Variants in FOXP2 observed in about 807,000 individuals in gnomAD.
The protein encoded by FOXP2 is forkhead box P2.
A neutral mutation model predicts 115.8 loss-of-function variants in FOXP2; 12 were observed. That is an observed-to-expected ratio of 0.10 (90% CI 0.07 to 0.17). The LOEUF is 0.17. Among genes scored for constraint, FOXP2 ranks in the 10% least tolerant of loss-of-function variants. The pLI, the probability that FOXP2 is intolerant of heterozygous loss-of-function variation, is 1.00. For missense variants in FOXP2, 629 were observed against 843.5 expected, an observed-to-expected ratio of 0.75 and a Z score of 3.15; for synonymous variants, 328 against 297.7, an observed-to-expected ratio of 1.10 and a Z score of -1.05.
intron 2 of FOXP2, among the ~76,000 whole-genome samples, chr7:114,379,680 C>A (rs1248625984): frequency 1.3e-5 from 2 of 152,130 alleles, no homozygotes; most frequent in African/African-American, 4.8e-5. Flanking sequence ...AAGAGACAAA[C>A]TTAACAAGGA....
At chr7:114,171,822 C>T (rs1793149688) in intron 1 of FOXP2, among the ~76,000 whole-genome samples, 1 of 152,188 alleles carries the variant, frequency 6.6e-6, no homozygotes, top group South Asian at 2.1e-4. Context: ...ATTCAGATTT[C>T]TGATGGCATT....
At chr7:114,115,957 A>C (rs1584487434) in intron 1 of FOXP2, among the ~76,000 whole-genome samples, 2 of 152,150 alleles carry the variant, frequency 1.3e-5, no homozygotes, top group Admixed American at 1.3e-4. Flanking sequence ...AATGAATTTA[A>C]AGTGCCTTCC....
chr7:114,325,331 T>C (rs1301288689), intron 2 of FOXP2, among the ~76,000 whole-genome samples: 1 of 151,882 alleles, frequency 6.6e-6, no homozygotes, highest in Non-Finnish European at 1.5e-5. Flanking sequence ...TTCCATTTTT[T>C]CCCCATGTTA....
intron 1 of FOXP2, among the ~76,000 whole-genome samples, chr7:114,163,964 C>T (rs1478281105): frequency 6.6e-6 from 1 of 152,162 alleles, no homozygotes; most frequent in Non-Finnish European, 1.5e-5. Flanking sequence ...TCAAATTCTA[C>T]AGTAGAAAAT....
At chr7:114,098,077 G>T (rs1013563991) in intron 1 of FOXP2, among the ~76,000 whole-genome samples, 1 of 152,188 alleles carries the variant, frequency 6.6e-6, no homozygotes, top group Non-Finnish European at 1.5e-5. Flanking sequence ...GGGATAACAA[G>T]AGAGGTAAAT....
At chr7:114,391,337 A>G (rs1465133561) in intron 2 of FOXP2, among the ~76,000 whole-genome samples, 2 of 152,190 alleles carry the variant, frequency 1.3e-5, no homozygotes, top group East Asian at 3.8e-4. Context: ...ACTGGGTTAA[A>G]CATCTGCTTA....
chr7:114,448,805 A>C (rs923083598), intron 2 of FOXP2, among the ~76,000 whole-genome samples: 2 of 152,226 alleles, frequency 1.3e-5, no homozygotes, highest in Non-Finnish European at 2.9e-5. Flanking sequence ...TGAATTTAGA[A>C]AGTTAAAAGT....
At chr7:114,381,757 CT>C (rs1792308536) in intron 2 of FOXP2, among the ~76,000 whole-genome samples, 1 of 152,118 alleles carries the variant, frequency 6.6e-6, no homozygotes, top group South Asian at 2.1e-4. Flanking sequence ...AAATTGGAGT[CT>C]TGCAAGGGCT....
chr7:114,315,636 A>AC, intron 2 of FOXP2, among the ~76,000 whole-genome samples: 1 of 151,704 alleles, frequency 6.6e-6, no homozygotes, highest in Non-Finnish European at 1.5e-5. Flanking sequence ...ACACACACAC[A>AC]AACAAACATA....
chr7:114,661,044 T>A (rs1806832662), intron 13 of FOXP2, among the ~76,000 whole-genome samples: 1 of 135,224 alleles, frequency 7.4e-6, no homozygotes, highest in Non-Finnish European at 1.6e-5. Context: ...ATGCTAGATC[T>A]GCTTATGCTT....
intron 1 of FOXP2, among the ~76,000 whole-genome samples, chr7:114,153,735 T>C (rs1318734570): frequency 6.6e-6 from 1 of 152,108 alleles, no homozygotes; most frequent in Non-Finnish European, 1.5e-5. Flanking sequence ...TTTTCTTTCA[T>C]AGGCCATTCT....
In FOXP2 at chr7:114,404,405, C is replaced by T. The variant is rs1002281940; in HGVS notation, c.-10-22097C>T. Among the ~76,000 whole-genome samples, 6 of 152,176 alleles carry T rather than the reference C, an allele frequency of 3.9e-5. No homozygotes were observed. In the South Asian group the frequency reaches 6.2e-4, roughly 16 times the overall value. On this transcript the variant is annotated intron_variant, in intron 2 of 17. Transcript: ENST00000634411. ...TTATGTAATAAGTTCTAATTGGTTA[C>T]ATAACACTTTATTGAGCATGATCAG... is the stretch of plus-strand genomic sequence containing the variant.
At position 114,631,717 on chromosome 7, in the gene FOXP2, A is replaced by T. The variant is rs768479487; in HGVS notation, c.775+12A>T. The T allele has an allele frequency of 6.2e-7, 1 of 1,613,186 alleles. No homozygotes were observed. The highest frequency in any genetic ancestry group is 8.5e-7 in the Non-Finnish European group (1 of 1,179,370). On this transcript the variant is annotated intron_variant, in intron 6 of 16. Coordinates refer to ENST00000350908, the MANE Select transcript of FOXP2 (RefSeq NM_014491.4). ...ATCGCTGCCTCAAGGTACATACAAA[A>T]TGTTGTGCACTCTTCATTTCAAATC...
At chr7:114,171,084 GCTCATTT>G (rs1489885725) in intron 1 of FOXP2, among the ~76,000 whole-genome samples, 2 of 152,166 alleles carry the variant, frequency 1.3e-5, no homozygotes, top group Non-Finnish European at 2.9e-5. Context: ...TGAAGCCAGT[GCTCATTT>G]ACCATTTTGA....
chr7:114,539,603 T>C (rs1405165392), intron 3 of FOXP2, among the ~76,000 whole-genome samples: 1 of 152,044 alleles, frequency 6.6e-6, no homozygotes, highest in Non-Finnish European at 1.5e-5. Flanking sequence ...AAGAACAGAC[T>C]ATGTCTTGTG....
intron 2 of FOXP2, among the ~76,000 whole-genome samples, chr7:114,384,074 G>A (rs1404309296): frequency 1.3e-5 from 2 of 151,720 alleles, no homozygotes; most frequent in Non-Finnish European, 2.9e-5. Flanking sequence ...TCCTTTCCAG[G>A]GTGTGTCACC....
At chr7:114,604,382 A>G (rs933093380) in intron 3 of FOXP2, among the ~76,000 whole-genome samples, 7 of 152,204 alleles carry the variant, frequency 4.6e-5, no homozygotes, top group African/African-American at 1.7e-4. Context: ...GTAAACATTC[A>G]GTGTATAACA....
chr7:114,297,276 G>T, intron 2 of FOXP2: 2 of 529,230 alleles, frequency 3.8e-6, no homozygotes, highest in Non-Finnish European at 3.6e-6. Context: ...GCTCCTATGG[G>T]GCGAACCCAC....
rs61371412 is a variant in FOXP2 at position 114,268,700 on chromosome 7, C to CTGTGTGTG, written c.-101-19295_-101-19288dup. ...CGATTGGTGAAGTCTATACTCCCCA[C>CTGTGTGTG]TGTGTGTGTGTGTGTGTGTGTGTGT... On this transcript the variant is annotated intron_variant, in intron 1 of 17. Transcript: ENST00000634411. Among the ~76,000 whole-genome samples the CTGTGTGTG allele has an allele frequency of 5.4e-5, 8 of 148,120 alleles. No individual in the cohort carries two copies. In the East Asian group the frequency reaches 1.2e-3, roughly 22 times the overall value.
Sources: gnomAD v4.1 joint callset for allele counts (sites outside exome capture counted in the v4.1 genomes callset) on GRCh38, gnomAD v4.1.1 for gene constraint, MANE v1.5 for transcripts, NCBI Gene and HGNC (gene_info 2026-07-23, HGNC 2026-07-21) for gene names.